The following DCDC1 variants were observed in gnomAD, a reference collection of about 807,000 sequenced individuals.
DCDC1 encodes the protein doublecortin domain-containing protein 1.
DCDC1 carries 200 observed loss-of-function variants against 178.3 expected under a neutral mutation model. The ratio of observed to expected loss-of-function variants is 1.12; its 90% CI spans 1.00 to 1.26. The LOEUF (loss-of-function observed/expected upper bound fraction) is 1.26, where lower values mean the gene tolerates loss of function less well. Among genes scored for constraint, DCDC1 ranks in the 50% most tolerant of loss-of-function variants. DCDC1 has a pLI of 0.00. For missense variants in DCDC1, 1,983 were observed against 1,749.2 expected, an observed-to-expected ratio of 1.13 and a Z score of -2.38; for synonymous variants, 690 against 604.8, an observed-to-expected ratio of 1.14 and a Z score of -2.07.
intron 9 of DCDC1, among the ~76,000 whole-genome samples, chr11:31,233,339 T>A (rs919683553): frequency 6.6e-6 from 1 of 152,200 alleles, no homozygotes; most frequent in Non-Finnish European, 1.5e-5. Flanking sequence ...TTCACATGGG[T>A]ATGCTTTGTC....
chr11:31,357,310 C>T (rs1005485387), intron 1 of DCDC1, among the ~76,000 whole-genome samples: 52 of 149,864 alleles, frequency 3.5e-4, no homozygotes, highest in South Asian at 2.6e-3. Flanking sequence ...TGTAATCCAG[C>T]ATATAAACAG....
At chr11:30,865,817 A>G (rs1940928999) in intron 38 of DCDC1, among the ~76,000 whole-genome samples, 1 of 152,112 alleles carries the variant, frequency 6.6e-6, no homozygotes, top group Non-Finnish European at 1.5e-5. Context: ...CAAGAAAGAC[A>G]TAAAAGAGAG....
At chr11:31,090,734 T>A (rs569102656) in intron 17 of DCDC1, among the ~76,000 whole-genome samples, 1 of 152,328 alleles carries the variant, frequency 6.6e-6, no homozygotes, top group East Asian at 1.9e-4. Flanking sequence ...ATATCCTAAG[T>A]GCCTATATAG....
Position 31,307,712 on chromosome 11 carries a change from T to C in DCDC1, c.361A>G (p.Ser121Gly). 1 of 1,614,144 alleles carries C rather than the reference T, an allele frequency of 6.2e-7. No homozygotes were observed. Among genetic ancestry groups the C allele is most frequent in the Non-Finnish European group, 8.5e-7 (1 of 1,179,988 alleles). Residue 121 changes from serine to glycine, a missense_variant, in exon 4 of 39, where the codon AGT becomes GGT. By Grantham distance (56) the Ser-to-Gly change is moderately conservative. Transcript: ENST00000684477. Reference protein sequence around the residue: ...ISDLDSYKSNSKNNSCSISAS... With the variant: ...ISDLDSYKSNGKNNSCSISAS... ...GATATAGAACAAGAATTGTTTTTAC[T>C]GTTTGATTTGTAGCTATCTAGGTCT...
intron 20 of DCDC1, among the ~76,000 whole-genome samples, chr11:30,994,322 G>A (rs1056345853): frequency 2.6e-5 from 4 of 151,296 alleles, no homozygotes; most frequent in South Asian, 4.2e-4. Flanking sequence ...TTTTCTTTCC[G>A]GAGACTCACT....
chr11:31,266,220 A>C (rs934575745), intron 7 of DCDC1, among the ~76,000 whole-genome samples: 1 of 152,188 alleles, frequency 6.6e-6, no homozygotes, highest in African/African-American at 2.4e-5. Context: ...ATGAGTCTCA[A>C]GGACTTTACC....
chr11:31,113,371 T>C (rs1959271341), intron 11 of DCDC1, among the ~76,000 whole-genome samples: 1 of 152,144 alleles, frequency 6.6e-6, no homozygotes, highest in Non-Finnish European at 1.5e-5. Context: ...ACATGTGCCA[T>C]GTTGGTGTGC....
intron 9 of DCDC1, among the ~76,000 whole-genome samples, chr11:31,180,863 G>A (rs1470654590): frequency 6.6e-6 from 1 of 151,838 alleles, no homozygotes; most frequent in African/African-American, 2.4e-5. Flanking sequence ...CAGTGAGACA[G>A]AACTGTTCAC....
intron 2 of DCDC1, among the ~76,000 whole-genome samples, chr11:31,331,782 G>T (rs1247499095): frequency 3.9e-5 from 6 of 152,288 alleles, no homozygotes; most frequent in African/African-American, 1.4e-4. Context: ...CGGTTTGCCA[G>T]TATTTTATTG....
Position 31,307,772 on chromosome 11 carries a change from G to C in DCDC1, c.301C>G (p.Gln101Glu), listed in dbSNP as rs747222697. 3.7e-6 allele frequency: 6 copies of C among 1,613,988 alleles called. No individual in the cohort carries two copies. The African/African-American group carries it at 8.0e-5, about 22-fold the overall frequency. ...GSGLQDCSTH[Q>E]TASDHSHDEI... ...TCATGGCTGTGATCTGATGCTGTTT[G>C]ATGTGTGGAGCAATCTTGAAGTCCT... is the stretch of plus-strand genomic sequence containing the variant. Residue 101 changes from glutamine (Q) to glutamate (E), a missense_variant, in exon 4 of 39, where the codon CAA becomes GAA. Coordinates refer to ENST00000684477, the MANE Select transcript of DCDC1 (RefSeq NM_001387274.1).
chr11:30,950,597 C>T (rs1401052221), intron 21 of DCDC1, among the ~76,000 whole-genome samples: 1 of 151,954 alleles, frequency 6.6e-6, no homozygotes, highest in African/African-American at 2.4e-5. Flanking sequence ...ATAAGCCAAG[C>T]ACAAAAAGAC....
chr11:31,215,801 A>AG (rs1973475947), intron 9 of DCDC1, among the ~76,000 whole-genome samples: 1 of 152,150 alleles, frequency 6.6e-6, no homozygotes, highest in Non-Finnish European at 1.5e-5. Flanking sequence ...AAAAAAAAAA[A>AG]AAAATGGAGG....
At chr11:31,306,164 AT>A (rs1258151273) in intron 5 of DCDC1, 67 bp downstream of exon 5, 20 of 1,311,826 alleles carry the variant, frequency 1.5e-5, no homozygotes, top group African/African-American at 3.1e-5. Flanking sequence ...TAATTTTCTC[AT>A]TTTTTATATT....
intron 9 of DCDC1, among the ~76,000 whole-genome samples, chr11:31,160,849 A>G (rs557135061): frequency 6.6e-6 from 1 of 152,290 alleles, no homozygotes; most frequent in African/African-American, 2.4e-5. Context: ...ATGCTCTTGA[A>G]TTAACAAAGC....
intron 20 of DCDC1, among the ~76,000 whole-genome samples, chr11:30,993,100 A>G (rs773253392): frequency 5.9e-5 from 9 of 152,132 alleles, no homozygotes; most frequent in Non-Finnish European, 1.0e-4. Flanking sequence ...TATAAAAATT[A>G]CTTTTCTAGC....
In DCDC1 at chr11:31,234,708, G is replaced by A. The variant is rs753793223; in HGVS notation, c.1221+6742C>T. On this transcript the variant is annotated intron_variant, in intron 9 of 38. Coordinates refer to ENST00000684477, the MANE Select transcript of DCDC1 (RefSeq NM_001387274.1). ...CCTCTCAGTGAGCATTATTGTTTTC[G>A]GAGGAGGGGGCAGGAGGCAGGGGGC... is the stretch of plus-strand genomic sequence containing the variant. Among the ~76,000 whole-genome samples the A allele has an allele frequency of 3.3e-5, 5 of 152,020 alleles. 1 individual carries two copies. Among genetic ancestry groups the A allele is most frequent in the Admixed American group, 1.3e-4 (2 of 15,242 alleles).
rs555783220 is a variant in DCDC1, at chr11:30,930,865, C to A, written c.2897+906G>T. On this transcript the variant is annotated intron_variant, in intron 22 of 38. Transcript: ENST00000684477. The stretch of plus-strand genomic sequence containing the variant: ...TGAGCTAATTATGAAATGTATGCGT[C>A]AAAGAATTCAATTTCAGGCTTGACT... 1.5e-4 allele frequency among the ~76,000 whole-genome samples: 23 copies of A among 152,172 alleles called. No homozygotes were observed. In the South Asian group the frequency reaches 4.8e-3, roughly 32 times the overall value.
At chr11:31,360,189 G>A (rs1164484841) in intron 1 of DCDC1, among the ~76,000 whole-genome samples, 2 of 152,152 alleles carry the variant, frequency 1.3e-5, no homozygotes, top group African/African-American at 2.4e-5. Flanking sequence ...CAGATTGTTT[G>A]CTTCCTCAGC....
At chr11:31,116,706 C>T (rs887220728) in intron 11 of DCDC1, among the ~76,000 whole-genome samples, 2 of 151,866 alleles carry the variant, frequency 1.3e-5, no homozygotes, top group Admixed American at 6.6e-5. Context: ...ATGCTATATA[C>T]TATATAAGAA....
Sources: gnomAD v4.1 joint callset for allele counts (sites outside exome capture counted in the v4.1 genomes callset) on GRCh38, gnomAD v4.1.1 for gene constraint, MANE v1.5 for transcripts, NCBI Gene and HGNC (gene_info 2026-07-23, HGNC 2026-07-21) for gene names.